The following PCDHGA8 variants were observed in gnomAD, a reference collection of about 807,000 sequenced individuals.
PCDHGA8 encodes protocadherin gamma-A8.
A neutral mutation model predicts 59.2 loss-of-function variants in PCDHGA8; 45 were observed. The observed-to-expected ratio is 0.76, with a 90% CI of 0.60 to 0.98. The LOEUF is 0.98. Ranked by LOEUF, PCDHGA8 falls within the 50% of genes least tolerant of loss-of-function variation. The pLI, the probability that PCDHGA8 is intolerant of heterozygous loss-of-function variation, is 0.00. For missense variants in PCDHGA8, 1,257 were observed against 1,196.2 expected, an observed-to-expected ratio of 1.05 and a Z score of -0.75; for synonymous variants, 531 against 519.0, an observed-to-expected ratio of 1.02 and a Z score of -0.32.
At chr5:141,475,829 G>A (rs1408248560) in intron 1 of PCDHGA8, 5 of 386,748 alleles carry the variant, frequency 1.3e-5, no homozygotes, top group Non-Finnish European at 2.3e-5. Flanking sequence ...GCGCTAGCGC[G>A]TGTCCTGCTC....
In PCDHGA8 at chr5:141,477,625, C is replaced by T; in HGVS notation, c.2425-17182C>T. ...TTCTCTTGGAGCAAGGAGCTGAAACCGGGCTAGTGGGTCGCTATTTCACAA... is the reference window on the plus strand; with the variant it reads ...TTCTCTTGGAGCAAGGAGCTGAAACTGGGCTAGTGGGTCGCTATTTCACAA... On this transcript the variant is annotated intron_variant, in intron 1 of 3. Coordinates refer to ENST00000398604, the MANE Select transcript of PCDHGA8 (RefSeq NM_032088.2). This position sits in a 1 kb window ranked among gnomAD's most constrained non-coding sequence, Gnocchi z 4.9. The T allele has an allele frequency of 1.2e-6, 2 of 1,614,200 alleles. No homozygotes were observed. Among genetic ancestry groups the T allele is most frequent in the Non-Finnish European group, 1.7e-6 (2 of 1,180,046 alleles).
Position 141,491,498 on chromosome 5 carries a change from C to G in PCDHGA8, c.2425-3309C>G. Reference sequence around the variant, plus strand: ...TCCAGCCCCAACCTGCAGGTGAGCTCGGACGGCACGCTCAAGTACATGGAG... The same window carrying G: ...TCCAGCCCCAACCTGCAGGTGAGCTGGGACGGCACGCTCAAGTACATGGAG... On this transcript the variant is annotated intron_variant, in intron 1 of 3. Transcript: ENST00000398604. The surrounding 1 kb of genome is among the most constrained non-coding windows in gnomAD (Gnocchi z 6.9). The G allele has an allele frequency of 6.2e-7, 1 of 1,614,102 alleles. No homozygotes were observed. Among genetic ancestry groups the G allele is most frequent in the Non-Finnish European group, 8.5e-7 (1 of 1,180,018 alleles).
At chr5:141,510,402 G>A (rs2099880998) in intron 3 of PCDHGA8, among the ~76,000 whole-genome samples, 1 of 152,008 alleles carries the variant, frequency 6.6e-6, no homozygotes, top group African/African-American at 2.4e-5. Flanking sequence ...GCAAAGGCTA[G>A]GGGCATGTAA....
chr5:141,441,155 T>A (rs2098229690), intron 1 of PCDHGA8: 1 of 152,230 alleles, frequency 6.6e-6, no homozygotes, highest in East Asian at 1.9e-4. Flanking sequence ...GACAATATCC[T>A]AGAGGCGATT....
intron 2 of PCDHGA8, among the ~76,000 whole-genome samples, chr5:141,502,135 G>A (rs1254187943): frequency 6.6e-6 from 1 of 152,154 alleles, no homozygotes; most frequent in East Asian, 1.9e-4. Context: ...GAGCTCAGTC[G>A]GGCCGGAAGT....
intron 1 of PCDHGA8, among the ~76,000 whole-genome samples, chr5:141,438,615 TATATATATATATATATATATACACACAC>T (rs2098021754): frequency 1.1e-4 from 4 of 35,920 alleles, no homozygotes; most frequent in Non-Finnish European, 1.8e-4. Flanking sequence ...TATATATATA[TATATATATATATATATATATACACACAC>T]ACACACACAT....
At chr5:141,409,745 T>C (rs968473065) in intron 1 of PCDHGA8, 8 of 1,613,074 alleles carry the variant, frequency 5.0e-6, no homozygotes, top group Non-Finnish European at 6.8e-6. Context: ...CGGGGTGGTG[T>C]TCGCGCAGCG....
chr5:141,457,480 G>A lies in PCDHGA8; in HGVS notation c.2425-37327G>A, dbSNP rs566798464. ...GATTCACAGGAATAAGCAGGGCCAGGGTTAGTCTAAAATGTAGGCAAAAAG... is the reference window on the plus strand; with the variant it reads ...GATTCACAGGAATAAGCAGGGCCAGAGTTAGTCTAAAATGTAGGCAAAAAG... On this transcript the variant is annotated intron_variant, in intron 1 of 3. Transcript: ENST00000398604. 2.0e-5 allele frequency among the ~76,000 whole-genome samples: 3 copies of A among 152,266 alleles called. No individual in the cohort carries two copies. In the South Asian group the frequency reaches 6.2e-4, roughly 32 times the overall value.
intron 1 of PCDHGA8, among the ~76,000 whole-genome samples, chr5:141,479,837 G>A (rs563513895): frequency 3.9e-5 from 6 of 152,338 alleles, no homozygotes; most frequent in Non-Finnish European, 8.8e-5. Flanking sequence ...TGGTATCCAT[G>A]CAAGGTGACT....
intron 1 of PCDHGA8, chr5:141,423,880 G>T: frequency 7.8e-7 from 1 of 1,282,292 alleles, no homozygotes; most frequent in Non-Finnish European, 9.9e-7. Flanking sequence ...TTTCAATCTT[G>T]GCATATTTTC....
chr5:141,410,485 A>G, intron 1 of PCDHGA8: 3 of 1,614,016 alleles, frequency 1.9e-6, no homozygotes, highest in Non-Finnish European at 1.7e-6. Flanking sequence ...ATACGGGTAC[A>G]AAAGAGTTTA....
chr5:141,487,709 A>G lies in PCDHGA8; in HGVS notation c.2425-7098A>G. On this transcript the variant is annotated intron_variant, in intron 1 of 3. Coordinates refer to ENST00000398604, the MANE Select transcript of PCDHGA8 (RefSeq NM_032088.2). This position sits in a 1 kb window ranked among gnomAD's most constrained non-coding sequence, Gnocchi z 5.0. ...CCTAGAGAGTACTGGCCTCTCAGTA[A>G]GTGCCCATAGTGATGTCACCATTTT... is the stretch of plus-strand genomic sequence containing the variant. 6.3e-7 allele frequency: 1 copy of G among 1,586,184 alleles called. No individual in the cohort carries two copies. Among genetic ancestry groups the G allele is most frequent in the South Asian group, 1.1e-5 (1 of 87,958 alleles).
chr5:141,423,875 A>G (rs1354115544), intron 1 of PCDHGA8: 8 of 1,282,448 alleles, frequency 6.2e-6, no homozygotes, highest in African/African-American at 3.1e-5. Context: ...TCATTTTTCA[A>G]TCTTGGCATA....
At chr5:141,450,831 T>TA (rs761717068) in intron 1 of PCDHGA8, among the ~76,000 whole-genome samples, 7,796 of 144,584 alleles carry the variant, frequency 0.054, 354 homozygotes, top group African/African-American at 0.12. Context: ...TTATTATTAT[T>TA]TTTTTTTTTT....
intron 3 of PCDHGA8, 110 bp downstream of exon 3, chr5:141,505,591 G>T: frequency 6.4e-7 from 1 of 1,570,280 alleles, no homozygotes; most frequent in Non-Finnish European, 8.7e-7. Flanking sequence ...AGTTTCTCCA[G>T]ATCTTTCGGC....
rs1368797606 is a variant in PCDHGA8 at position 141,393,848 on chromosome 5, A to T, written c.1035A>T (p.Pro345=). 3.7e-6 allele frequency: 6 copies of T among 1,614,008 alleles called. No individual in the cohort carries two copies. The highest frequency in any genetic ancestry group is 5.1e-6 in the Non-Finnish European group (6 of 1,179,890). The part of the protein sequence containing the change: ...ISVEDVNDNR[P]EVIITSLFSP... ...TGGAAGATGTAAATGACAATAGACC[A>T]GAAGTGATCATTACGTCTTTGTTTA... is the stretch of plus-strand genomic sequence containing the variant. The change falls in exon 1 of 4, where the codon CCA becomes CCT. Residue 345 remains proline, a synonymous_variant. Coordinates refer to ENST00000398604, the MANE Select transcript of PCDHGA8 (RefSeq NM_032088.2).
rs1389286417 is a variant in PCDHGA8 at position 141,432,046 on chromosome 5, C to T, written c.2424+36809C>T. ...CAGTGACCGCCACTGACCGGGGAAC[C>T]CCGCCCCTATCCACGGAAACTCATA... On this transcript the variant is annotated intron_variant, in intron 1 of 3. Transcript: ENST00000398604. This position sits in a 1 kb window ranked among gnomAD's most constrained non-coding sequence, Gnocchi z 6.0. 3.1e-6 allele frequency: 5 copies of T among 1,614,224 alleles called. No homozygotes were observed. The highest frequency in any genetic ancestry group is 2.2e-5 in the East Asian group (1 of 44,886).
At chr5:141,449,021 C>T (rs897401758) in intron 1 of PCDHGA8, among the ~76,000 whole-genome samples, 3 of 152,104 alleles carry the variant, frequency 2.0e-5, no homozygotes, top group Non-Finnish European at 4.4e-5. Context: ...AGTTGCTTAG[C>T]ATTCCTTTGG....
At chr5:141,409,546 C>G in intron 1 of PCDHGA8, 1 of 1,613,998 alleles carries the variant, frequency 6.2e-7, no homozygotes, top group Non-Finnish European at 8.5e-7. Flanking sequence ...TCAACGACAA[C>G]GCCCCAGTTT....
Sources: allele counts gnomAD v4.1 joint callset (sites outside exome capture counted in the v4.1 genomes callset), GRCh38; gene constraint gnomAD v4.1.1; non-coding constraint Gnocchi (gnomAD v3.1); transcripts MANE v1.5; gene names NCBI Gene and HGNC (gene_info 2026-07-23, HGNC 2026-07-21).